Variants in STXBP4 observed in about 807,000 individuals in gnomAD.
STXBP4 encodes the protein syntaxin binding protein 4, also known as syntaxin-binding protein 4.
STXBP4 carries 55 observed loss-of-function variants against 76.1 expected under a neutral mutation model. That is an observed-to-expected ratio of 0.72 (90% CI 0.58 to 0.91). The LOEUF (loss-of-function observed/expected upper bound fraction) is 0.91. STXBP4 is among the 40% of genes least tolerant of loss of function. STXBP4 has a pLI of 0.00. For missense variants in STXBP4, 618 were observed against 636.9 expected (o/e 0.97, Z 0.32); for synonymous variants, 201 against 220.2 (o/e 0.91, Z 0.77).
intron 4 of STXBP4, among the ~76,000 whole-genome samples, chr17:54,995,458 A>AT (rs2077785270): frequency 4.6e-5 from 7 of 152,250 alleles, no homozygotes; most frequent in Admixed American, 3.9e-4. Flanking sequence ...ACATTAAAAC[A>AT]TATACATATA....
chr17:55,095,571 A>G (rs527271968), intron 16 of STXBP4, among the ~76,000 whole-genome samples: 24 of 152,338 alleles, frequency 1.6e-4, no homozygotes, highest in Non-Finnish European at 2.9e-4. Context: ...AGTTCAATTC[A>G]GATCCAGAAG....
chr17:55,159,830 C>T lies in STXBP4; in HGVS notation c.1581C>T (p.Pro527=), dbSNP rs747636335. Residue 527 remains proline, a synonymous_variant, in exon 18 of 18, where the codon CCC becomes CCT. Coordinates refer to ENST00000376352, the MANE Select transcript of STXBP4 (RefSeq NM_178509.6). ...HVTQTTSWIH[P]VMSVLNLSRS... is the part of the protein sequence containing the mutation. ...CACAGACTACATCCTGGATCCATCC[C>T]GTGATGAGTGTCCTGAATCTATCTC... 1.0e-4 allele frequency: 169 copies of T among 1,613,434 alleles called. 2 individuals carry two copies. In the Admixed American group the frequency reaches 2.6e-3, roughly 25 times the overall value.
chr17:55,122,531 G>A (rs2079857679), intron 16 of STXBP4, among the ~76,000 whole-genome samples: 1 of 152,108 alleles, frequency 6.6e-6, no homozygotes, highest in Non-Finnish European at 1.5e-5. Flanking sequence ...GGTCTACACT[G>A]GCAAAAGCAA....
the STXBP4 span, among the ~76,000 whole-genome samples, chr17:55,196,567 T>C: frequency 1.3e-5 from 2 of 152,138 alleles, no homozygotes; most frequent in African/African-American, 2.4e-5. Flanking sequence ...TCTGTGATCT[T>C]CTCTTGTGTC....
rs200014973 is a variant in STXBP4 at position 55,084,088 on chromosome 17, G to C, written c.1489+2905G>C. On this transcript the variant is annotated intron_variant, in intron 16 of 17. Transcript: ENST00000376352. Reference sequence around the variant, plus strand: ...TCCACAATGGTTGAACTAGTTTACAGTCCCACCAACAGTGTAAAAGTGTTC... The same window carrying C: ...TCCACAATGGTTGAACTAGTTTACACTCCCACCAACAGTGTAAAAGTGTTC... Among the ~76,000 whole-genome samples, 187 of 152,130 alleles carry C rather than the reference G, an allele frequency of 1.2e-3. 2 individuals carry two copies. The East Asian group carries it at 0.034, about 28-fold the overall frequency.
rs1490253570 is a variant in STXBP4, at chr17:55,164,093, C to T, written c.*4182C>T. 2 of 152,398 alleles carry T rather than the reference C, an allele frequency of 1.3e-5. No individual in the cohort carries two copies. Among genetic ancestry groups the T allele is most frequent in the African/African-American group, 2.4e-5 (1 of 41,422 alleles). 9.4% of individuals were successfully genotyped at this position (152,398 alleles called of 1,614,324 possible). A position where few individuals can be genotyped will look rare whatever the true frequency, so the allele number is the denominator to read the frequency against. On this transcript the variant is annotated 3_prime_UTR_variant, in exon 18 of 18. Coordinates refer to ENST00000376352, the MANE Select transcript of STXBP4 (RefSeq NM_178509.6). ...TTAAAACAACTTACACACTCCATTG[C>T]TTATAACTTTTGAGAGAATGAAAAG...
At chr17:54,985,269 G>A (rs10468550) in intron 1 of STXBP4, among the ~76,000 whole-genome samples, 9,763 of 152,108 alleles carry the variant, frequency 0.064, 964 homozygotes, top group African/African-American at 0.22. Flanking sequence ...GAGAACCCAG[G>A]CCTATCAGAT....
chr17:54,993,322 G>A (rs1302755010), intron 4 of STXBP4, among the ~76,000 whole-genome samples: 1 of 152,200 alleles, frequency 6.6e-6, no homozygotes, highest in African/African-American at 2.4e-5. Context: ...AGAAAAAGGT[G>A]TAGGAGAAGA....
At chr17:55,033,275 G>A (rs1349837246) in intron 9 of STXBP4, among the ~76,000 whole-genome samples, 1 of 152,132 alleles carries the variant, frequency 6.6e-6, no homozygotes, top group Non-Finnish European at 1.5e-5. Flanking sequence ...TCAGGAGGCT[G>A]AGGCAAGAGA....
chr17:55,166,187 T>C lies in STXBP4; in HGVS notation c.*6276T>C, dbSNP rs2080376890. On this transcript the variant is annotated 3_prime_UTR_variant, in exon 18 of 18. Transcript: ENST00000376352. ...TTCCTTAGGCAGCGATTTACCTAAT[T>C]GGTGAGTTTAGGATTAAAAAAAGGA... 6.6e-6 allele frequency: 1 copy of C among 152,240 alleles called. No individual in the cohort carries two copies. Among genetic ancestry groups the C allele is most frequent in the Non-Finnish European group, 1.5e-5 (1 of 68,040 alleles). The allele number at this position is 152,240 out of a possible 1,614,324, so 9.4% of individuals were successfully genotyped here.
the STXBP4 span, among the ~76,000 whole-genome samples, chr17:55,197,611 C>T: frequency 6.6e-6 from 1 of 152,122 alleles, no homozygotes; most frequent in African/African-American, 2.4e-5. Context: ...GGCGTGGTGG[C>T]ATGCACCTGT....
the STXBP4 span, among the ~76,000 whole-genome samples, chr17:55,195,863 A>T: frequency 2.0e-5 from 3 of 152,234 alleles, no homozygotes; most frequent in East Asian, 5.8e-4. Context: ...TGTCAGCGAG[A>T]GAGGAAGGAG....
chr17:55,189,427 C>T, the STXBP4 span, among the ~76,000 whole-genome samples: 1 of 152,142 alleles, frequency 6.6e-6, no homozygotes, highest in African/African-American at 2.4e-5. Context: ...AATCCAAATG[C>T]ATTTGCATCA....
chr17:55,144,210 G>T (rs577348440), intron 17 of STXBP4, among the ~76,000 whole-genome samples: 1 of 152,120 alleles, frequency 6.6e-6, no homozygotes, highest in African/African-American at 2.4e-5. Context: ...GTCTTCCAGA[G>T]ATTAAAAAAG....
the STXBP4 span, among the ~76,000 whole-genome samples, chr17:55,185,245 T>C: frequency 8.8e-3 from 508 of 57,838 alleles, 17 homozygotes; most frequent in African/African-American, 0.021. Flanking sequence ...TTCTTCTTCT[T>C]CTTCTCCTTC....
chr17:55,190,743 C>G, the STXBP4 span, among the ~76,000 whole-genome samples: 223 of 152,258 alleles, frequency 1.5e-3, 7 homozygotes, highest in South Asian at 0.045. Context: ...AGCTTTTACA[C>G]TGTGTATATA....
intron 8 of STXBP4, among the ~76,000 whole-genome samples, chr17:55,014,853 CT>C (rs2078177132): frequency 6.6e-6 from 1 of 152,096 alleles, no homozygotes. Context: ...ATTTGCCCAG[CT>C]TTTCCCTTTT....
intron 16 of STXBP4, among the ~76,000 whole-genome samples, chr17:55,092,328 G>A (rs1351853501): frequency 6.6e-6 from 1 of 151,716 alleles, no homozygotes; most frequent in Non-Finnish European, 1.5e-5. Flanking sequence ...ATAAATAAAT[G>A]AAATGAAATA....
At chr17:55,107,756 A>C (rs1396311754) in intron 16 of STXBP4, among the ~76,000 whole-genome samples, 1 of 152,154 alleles carries the variant, frequency 6.6e-6, no homozygotes, top group Non-Finnish European at 1.5e-5. Flanking sequence ...GAGGCTGCAG[A>C]ACAACAAAGA....
Sources: allele counts gnomAD v4.1 joint callset (sites outside exome capture counted in the v4.1 genomes callset), GRCh38; gene constraint gnomAD v4.1.1; transcripts MANE v1.5; gene names NCBI Gene and HGNC (gene_info 2026-07-23, HGNC 2026-07-21).